SNX29: variants seen among roughly 807,000 people sequenced by gnomAD.
The protein encoded by SNX29 is sorting nexin 29.
In SNX29, 78 loss-of-function variants were observed where a neutral mutation model predicts 102.1. The observed-to-expected ratio is 0.76, with a 90% confidence interval of 0.64 to 0.92. The LOEUF is 0.92. Among genes scored for constraint, SNX29 ranks in the 40% least tolerant of loss-of-function variants. The pLI is 0.00. For missense variants in SNX29, 1,280 were observed against 1,061.7 expected (o/e 1.21, Z -2.86); for synonymous variants, 580 against 414.5 (o/e 1.40, Z -4.85).
At chr16:12,556,046 G>A (rs9930337) in intron 20 of SNX29, among the ~76,000 whole-genome samples, 89,874 of 151,940 alleles carry the variant, frequency 0.59, 27,649 homozygotes, top group Middle Eastern at 0.71. Context: ...GCTGAGTGAC[G>A]CTTAAAGGGT....
chr16:12,075,645 C>T (rs965246125), intron 10 of SNX29, among the ~76,000 whole-genome samples: 7 of 152,210 alleles, frequency 4.6e-5, no homozygotes, highest in Non-Finnish European at 7.3e-5. Context: ...GCAGTCTGCC[C>T]GTTCTCAGAT....
At chr16:12,333,155 G>T (rs1279475370) in intron 15 of SNX29, among the ~76,000 whole-genome samples, 2 of 149,208 alleles carry the variant, frequency 1.3e-5, no homozygotes, top group African/African-American at 5.0e-5. Flanking sequence ...GTCCAGGCTG[G>T]AGTGCAGTGG....
At chr16:12,351,028 G>A (rs2081978008) in intron 15 of SNX29, among the ~76,000 whole-genome samples, 1 of 152,198 alleles carries the variant, frequency 6.6e-6, no homozygotes, top group Non-Finnish European at 1.5e-5. Flanking sequence ...AGCACAGATA[G>A]TAGGGCCATT....
intron 19 of SNX29, among the ~76,000 whole-genome samples, chr16:12,502,424 A>G (rs552577159): frequency 6.6e-6 from 1 of 152,232 alleles, no homozygotes; most frequent in East Asian, 1.9e-4. Context: ...GGAATGCTTC[A>G]CAGCCGCCGG....
intron 20 of SNX29, among the ~76,000 whole-genome samples, chr16:12,552,855 G>A (rs920574887): frequency 2.6e-5 from 4 of 152,220 alleles, no homozygotes; most frequent in African/African-American, 9.6e-5. Context: ...AGAGGGTGTG[G>A]CAGATGGCAG....
intron 14 of SNX29, among the ~76,000 whole-genome samples, chr16:12,203,989 C>T (rs934071633): frequency 6.6e-6 from 1 of 152,182 alleles, no homozygotes; most frequent in East Asian, 1.9e-4. Context: ...CTTGGCCTGG[C>T]ACCTTACCTG....
chr16:12,473,295 T>C (rs999744906), intron 18 of SNX29, among the ~76,000 whole-genome samples: 1 of 152,178 alleles, frequency 6.6e-6, no homozygotes, highest in Non-Finnish European at 1.5e-5. Context: ...TTGAGTAATT[T>C]TGAGTAATTT....
chr16:12,000,433 C>T (rs909440399), intron 2 of SNX29: 2 of 152,100 alleles, frequency 1.3e-5, no homozygotes, highest in African/African-American at 4.8e-5. Context: ...ATTCTAGGAG[C>T]TTGCTTTTTG....
At chr16:12,088,024 C>T (rs1417205788) in intron 11 of SNX29, 2 of 456,562 alleles carry the variant, frequency 4.4e-6, no homozygotes, top group East Asian at 1.4e-4. Flanking sequence ...GAGCACTGCC[C>T]TGTCTCGTTC....
intron 3 of SNX29, among the ~76,000 whole-genome samples, chr16:12,014,986 AG>A (rs1450087147): frequency 1.1e-4 from 16 of 151,564 alleles, no homozygotes; most frequent in Non-Finnish European, 1.6e-4. Flanking sequence ...TTTGGGGGAG[AG>A]GGGGAGGGTC....
chr16:12,177,729 T>A (rs2076292175), intron 13 of SNX29, among the ~76,000 whole-genome samples: 1 of 152,246 alleles, frequency 6.6e-6, no homozygotes, highest in Non-Finnish European at 1.5e-5. Flanking sequence ...TCTTTTAAAA[T>A]GAGTGAATGA....
chr16:12,485,143 C>T (rs1478138301), intron 19 of SNX29, among the ~76,000 whole-genome samples: 1 of 152,192 alleles, frequency 6.6e-6, no homozygotes, highest in Non-Finnish European at 1.5e-5. Context: ...GTTGTTCTCA[C>T]CCGACTTTTG....
At chr16:12,324,959 CA>C (rs2081073575) in intron 15 of SNX29, among the ~76,000 whole-genome samples, 1 of 152,144 alleles carries the variant, frequency 6.6e-6, no homozygotes, top group Non-Finnish European at 1.5e-5. Flanking sequence ...TGGCTTTACT[CA>C]GGAGGGTTTT....
At chr16:12,240,585 C>CT (rs1180028807) in intron 14 of SNX29, among the ~76,000 whole-genome samples, 8,638 of 64,182 alleles carry the variant, frequency 0.13, 3,156 homozygotes, top group East Asian at 0.31. Context: ...TTTGTCATTT[C>CT]TTTTTTTTTT....
At chr16:12,425,307 C>T (rs2085019767) in intron 18 of SNX29, among the ~76,000 whole-genome samples, 3 of 152,042 alleles carry the variant, frequency 2.0e-5, no homozygotes, top group South Asian at 2.1e-4. Context: ...GTGGATGTGG[C>T]GGGTTAAGCA....
intron 19 of SNX29, among the ~76,000 whole-genome samples, chr16:12,513,015 C>T (rs2089701207): frequency 6.6e-6 from 1 of 152,110 alleles, no homozygotes; most frequent in Admixed American, 6.5e-5. Context: ...TGGCCCTGGC[C>T]TCCAAGGCAG....
At position 12,571,387 on chromosome 16, in the gene SNX29, G is replaced by T. The variant is rs3803604; in HGVS notation, c.*2758G>T. The T allele has an allele frequency of 0.72, 165,565 of 231,344 alleles. 60,131 individuals carry two copies. The highest frequency in any genetic ancestry group is 0.8 in the Middle Eastern group (621 of 776). 14.3% of individuals were successfully genotyped at this position (231,344 alleles called of 1,614,324 possible). ...CATGAGTGGCGAAGACACCCCTGAGGAAAGGATTGCTTGCACCTCACATCT... is the reference window on the plus strand; with the variant it reads ...CATGAGTGGCGAAGACACCCCTGAGTAAAGGATTGCTTGCACCTCACATCT... On this transcript the variant is annotated 3_prime_UTR_variant, in exon 21 of 21. Coordinates refer to ENST00000566228, the MANE Select transcript of SNX29 (RefSeq NM_032167.5).
chr16:12,508,932 C>G lies in SNX29; in HGVS notation c.2179-15770C>G, dbSNP rs9932849. On this transcript the variant is annotated intron_variant, in intron 19 of 20. Transcript: ENST00000566228. ...GTGGGGTCCTGGCCATAATACTTAT[C>G]TCCTTTGAGCCTCATCTGTGAAATG... Among the ~76,000 whole-genome samples the G allele has an allele frequency of 3.8e-3, 586 of 152,290 alleles. 6 individuals are homozygous for G. Among genetic ancestry groups the G allele is most frequent in the African/African-American group, 0.013 (550 of 41,552 alleles).
intron 19 of SNX29, among the ~76,000 whole-genome samples, chr16:12,514,486 C>T (rs763982393): frequency 1.2e-4 from 18 of 152,208 alleles, no homozygotes; most frequent in Non-Finnish European, 1.9e-4. Flanking sequence ...GGGGCCAATT[C>T]TTGTTTCTAC....
Sources: allele counts gnomAD v4.1 joint callset (sites outside exome capture counted in the v4.1 genomes callset), GRCh38; gene constraint gnomAD v4.1.1; transcripts MANE v1.5; gene names NCBI Gene and HGNC (gene_info 2026-07-23, HGNC 2026-07-21).